Variants in DNAJB1 observed in about 807,000 individuals in gnomAD.
The protein encoded by DNAJB1 is dnaJ homolog subfamily B member 1.
DNAJB1 carries 14 observed loss-of-function variants against 24.0 expected under a neutral mutation model. The observed-to-expected ratio is 0.58, with a 90% CI of 0.39 to 0.91. The LOEUF is 0.91. DNAJB1 is among the 40% of genes least tolerant of loss of function. DNAJB1 has a pLI of 0.00. For missense variants in DNAJB1, 517 were observed against 458.1 expected (o/e 1.13, Z -1.17); for synonymous variants, 262 against 174.4 (o/e 1.50, Z -3.96).
upstream of DNAJB1, among the ~76,000 whole-genome samples, chr19:14,520,732 G>A (rs917587866): frequency 9.2e-5 from 14 of 152,186 alleles, no homozygotes; most frequent in Non-Finnish European, 1.9e-4. Context: ...GCTCACGCCT[G>A]TCATCCCAGC....
chr19:14,540,961 A>C (rs113823799), intron 1 of DNAJB1, among the ~76,000 whole-genome samples: 18 of 151,802 alleles, frequency 1.2e-4, no homozygotes, highest in African/African-American at 4.3e-4. Context: ...CAGGCTCCGG[A>C]GTAACTGGGA....
At chr19:14,532,591 T>G (rs2072715551), upstream of DNAJB1, 1 of 152,016 alleles carries the variant, frequency 6.6e-6, no homozygotes. Context: ...TAAATTGTTA[T>G]TTTGCTGTGT....
At chr19:14,516,342 G>A in intron 2 of DNAJB1, 124 bp downstream of exon 2, 1 of 1,284,428 alleles carries the variant, frequency 7.8e-7, no homozygotes, top group Non-Finnish European at 1.1e-6. Context: ...GGTCAGTCCT[G>A]TTCACTGTTG....
chr19:14,526,159 C>T (rs772845056), intron 2 of DNAJB1, among the ~76,000 whole-genome samples: 4 of 152,222 alleles, frequency 2.6e-5, no homozygotes, highest in South Asian at 4.1e-4. Flanking sequence ...GAAGCTGCCG[C>T]AGCTTAGGCC....
intron 1 of DNAJB1, among the ~76,000 whole-genome samples, chr19:14,545,369 G>C (rs1409590914): frequency 6.6e-6 from 1 of 152,128 alleles, no homozygotes; most frequent in Non-Finnish European, 1.5e-5. Context: ...TCCTCAGCAG[G>C]GTCCTCCCGG....
At chr19:14,554,724 G>T (rs937527854), upstream of DNAJB1, among the ~76,000 whole-genome samples, 1 of 151,762 alleles carries the variant, frequency 6.6e-6, no homozygotes, top group East Asian at 1.9e-4. Context: ...TCCACTCTCA[G>T]GCCACACCCA....
At chr19:14,559,947 G>T (rs2073854085) in intron 1 of DNAJB1, among the ~76,000 whole-genome samples, 1 of 150,018 alleles carries the variant, frequency 6.7e-6, no homozygotes, top group Admixed American at 6.6e-5. Context: ...TCCCACTGAG[G>T]ACTCATCCTG....
exon 1 of DNAJB1, among the ~76,000 whole-genome samples, chr19:14,560,082 C>T (rs1268480655): frequency 6.6e-6 from 1 of 152,188 alleles, no homozygotes; most frequent in Non-Finnish European, 1.5e-5. Context: ...CTGGCCTGGG[C>T]ACCACTGCTG....
upstream of DNAJB1, among the ~76,000 whole-genome samples, chr19:14,553,445 G>A (rs548832391): frequency 5.1e-4 from 77 of 152,210 alleles, no homozygotes; most frequent in Non-Finnish European, 7.1e-4. Context: ...GTGGCGCCTC[G>A]GGGAGGCTGG....
chr19:14,558,279 C>T (rs1442765648), intron 1 of DNAJB1, among the ~76,000 whole-genome samples: 2 of 152,246 alleles, frequency 1.3e-5, no homozygotes, highest in African/African-American at 4.8e-5. Context: ...GCTTAGACAA[C>T]GAGAGCCCCC....
At chr19:14,522,683 G>GACACACAGAC (rs751484199), upstream of DNAJB1, among the ~76,000 whole-genome samples, 2,245 of 117,880 alleles carry the variant, frequency 0.019, 16 homozygotes, top group African/African-American at 0.024. Flanking sequence ...CACACACACA[G>GACACACAGAC]ACACACACAC....
In DNAJB1 at chr19:14,548,500, G is replaced by A. The variant is rs79084973; in HGVS notation, c.-214+1708C>T. Among the ~76,000 whole-genome samples, 461 of 152,288 alleles carry A rather than the reference G, an allele frequency of 3.0e-3. 21 individuals carry two copies. In the East Asian group the frequency reaches 0.069, roughly 23 times the overall value. ...ACTGCCGTTACCAGGCCTAAGCCAG[G>A]GGTTGGCAAACTTAATCCAGCTAGC... On this transcript the variant is annotated intron_variant, in intron 1 of 3. Transcript: ENST00000676982.
At chr19:14,558,473 G>GTGC (rs1193210700) in intron 1 of DNAJB1, among the ~76,000 whole-genome samples, 2 of 152,164 alleles carry the variant, frequency 1.3e-5, no homozygotes, top group Non-Finnish European at 2.9e-5. Context: ...CCCTGACCTC[G>GTGC]TGCTGCGACG....
intron 1 of DNAJB1, among the ~76,000 whole-genome samples, chr19:14,535,756 CAAAAAAAAA>C (rs1161257175): frequency 1.9e-5 from 1 of 51,944 alleles, no homozygotes; most frequent in Non-Finnish European, 3.3e-5. Flanking sequence ...GACTCTGTCT[CAAAAAAAAA>C]AAAAAAAAAA....
chr19:14,557,922 A>T (rs932908266), intron 1 of DNAJB1, among the ~76,000 whole-genome samples: 4 of 150,616 alleles, frequency 2.7e-5, no homozygotes, highest in Non-Finnish European at 5.9e-5. Context: ...CACCCGGCTA[A>T]TTTTTTGTAT....
rs1042130283 is a variant in DNAJB1, at chr19:14,516,897, C to T, written c.361G>A (p.Gly121Arg). Residue 121 changes from glycine (G) to arginine (R), a missense_variant, in exon 2 of 3, where the codon GGG becomes AGG. Coordinates refer to ENST00000254322, the MANE Select transcript of DNAJB1 (RefSeq NM_006145.3). Reference sequence around the variant, plus strand: ...TCATCAATGTCCATGCCTTCCTCCCCGTTCCGCTGCCCAAAAAAGGTGTCA... The same window carrying T: ...TCATCAATGTCCATGCCTTCCTCCCTGTTCCGCTGCCCAAAAAAGGTGTCA... Reference protein sequence around the residue: ...PFDTFFGQRNGEEGMDIDDPF... With the variant: ...PFDTFFGQRNREEGMDIDDPF... 3 of 1,614,020 alleles carry T rather than the reference C, an allele frequency of 1.9e-6. No individual in the cohort carries two copies. The African/African-American group carries it at 4.0e-5, about 22-fold the overall frequency.
intron 1 of DNAJB1, among the ~76,000 whole-genome samples, chr19:14,543,393 A>G (rs1302127630): frequency 3.4e-4 from 2 of 5,948 alleles, no homozygotes; most frequent in Non-Finnish European, 3.8e-4. Flanking sequence ...CAGAGAATAT[A>G]TATATATATA....
At chr19:14,518,403 C>G (rs1285642624), upstream of DNAJB1, 15 of 1,496,128 alleles carry the variant, frequency 1.0e-5, no homozygotes, top group South Asian at 1.3e-5. Flanking sequence ...GCTCCGCCGC[C>G]GACCAGTCCC....
chr19:14,516,257 C>A, intron 2 of DNAJB1, 87 bp from the exon 3 acceptor site: 1 of 1,461,218 alleles, frequency 6.8e-7, no homozygotes, highest in Non-Finnish European at 9.3e-7. Context: ...AGATAAGACC[C>A]ATCAGGCCTC....
Sources: gnomAD v4.1 joint callset for allele counts (sites outside exome capture counted in the v4.1 genomes callset) on GRCh38, gnomAD v4.1.1 for gene constraint, MANE v1.5 for transcripts, NCBI Gene and HGNC (gene_info 2026-07-23, HGNC 2026-07-21) for gene names.